SMAD3: variants seen among roughly 807,000 people sequenced by gnomAD.
SMAD3 encodes the protein SMAD family member 3.
SMAD3 carries 12 observed loss-of-function variants against 51.8 expected under a neutral mutation model. The ratio of observed to expected loss-of-function variants is 0.23; its 90% confidence interval spans 0.15 to 0.38. The LOEUF (loss-of-function observed/expected upper bound fraction) is 0.38. Ranked by LOEUF, SMAD3 falls within the 10% of genes least tolerant of loss-of-function variation. SMAD3 has a pLI of 1.00. For synonymous variants in SMAD3, 238 were observed against 227.7 expected (o/e 1.05, Z -0.41); for missense variants, 294 against 565.6 (o/e 0.52, Z 4.87).
rs572857029 is a variant in SMAD3, at chr15:67,168,547, C to G, written c.607+1694C>G. On this transcript the variant is annotated intron_variant, in intron 4 of 8. Transcript: ENST00000327367. ...CGCTCCCTCTTCCCTTTCTGCTGCT[C>G]TCCATATTTGCACAATGATTATTGT... 7.2e-5 allele frequency among the ~76,000 whole-genome samples: 11 copies of G among 152,362 alleles called. No individual in the cohort carries two copies. In the South Asian group the frequency reaches 2.3e-3, roughly 32 times the overall value.
intron 1 of SMAD3, among the ~76,000 whole-genome samples, chr15:67,120,034 C>T (rs1159418416): frequency 6.6e-6 from 1 of 152,184 alleles, no homozygotes; most frequent in East Asian, 1.9e-4. Context: ...TGAGCTCAAG[C>T]GATCTGCCCA....
chr15:67,116,986 A>C (rs996029503), intron 1 of SMAD3, among the ~76,000 whole-genome samples: 30 of 152,186 alleles, frequency 2.0e-4, no homozygotes, highest in African/African-American at 7.0e-4. Flanking sequence ...TACTTCCTCC[A>C]GGAAGCCATT....
intron 1 of SMAD3, among the ~76,000 whole-genome samples, chr15:67,124,144 C>T (rs113595099): frequency 1.2e-4 from 19 of 152,270 alleles, no homozygotes; most frequent in African/African-American, 3.4e-4. Flanking sequence ...CAGGCCACCA[C>T]GTCTGGCTAA....
intron 1 of SMAD3, among the ~76,000 whole-genome samples, chr15:67,092,029 G>A (rs1001044191): frequency 1.3e-5 from 2 of 152,186 alleles, no homozygotes; most frequent in African/African-American, 4.8e-5. Flanking sequence ...TAGAGCAGTT[G>A]CAGCTGCTTC....
At chr15:67,100,571 T>C (rs1026903993) in intron 1 of SMAD3, among the ~76,000 whole-genome samples, 2 of 152,152 alleles carry the variant, frequency 1.3e-5, no homozygotes, top group African/African-American at 4.8e-5. Context: ...ACAATATTAA[T>C]ATATTGTGAT....
In SMAD3 at chr15:67,112,407, C is replaced by T. The variant is rs959938930; in HGVS notation, c.206+46047C>T. Among the ~76,000 whole-genome samples, 9 of 118,464 alleles carry T rather than the reference C, an allele frequency of 7.6e-5. 1 individual carries two copies. The highest frequency in any genetic ancestry group is 1.9e-4 in the Admixed American group (2 of 10,588). 77.7% of individuals were successfully genotyped at this position (118,464 alleles called of 152,430 possible). On this transcript the variant is annotated intron_variant, in intron 1 of 8. Transcript: ENST00000327367. ...AACTCCTGACCTCAGGTGATCCACA[C>T]GCCTTGGCCTCCCAAAGTGCTGGGA...
At chr15:67,067,110 T>G (rs1959942504) in intron 1 of SMAD3, among the ~76,000 whole-genome samples, 1 of 137,878 alleles carries the variant, frequency 7.3e-6, no homozygotes, top group Non-Finnish European at 1.5e-5. Flanking sequence ...GTCCAAGAGA[T>G]TTTGAAACCG....
intron 1 of SMAD3, among the ~76,000 whole-genome samples, chr15:67,073,965 G>A (rs1306573913): frequency 1.3e-5 from 2 of 152,288 alleles, no homozygotes; most frequent in Non-Finnish European, 2.9e-5. Flanking sequence ...GAGCCACCGC[G>A]CCCGGCCACA....
At chr15:67,106,051 C>G (rs1036105528) in intron 1 of SMAD3, among the ~76,000 whole-genome samples, 4 of 152,144 alleles carry the variant, frequency 2.6e-5, no homozygotes, top group Non-Finnish European at 5.9e-5. Flanking sequence ...GTTCTGCCCC[C>G]AGAATATCTA....
chr15:67,190,866 T>C lies in SMAD3; in HGVS notation c.*330T>C. 2.3e-6 allele frequency: 1 copy of C among 425,680 alleles called. No homozygotes were observed. The highest frequency in any genetic ancestry group is 3.5e-5 in the Admixed American group (1 of 28,186). The allele number at this position is 425,680 out of a possible 1,614,324, so 26.4% of individuals were successfully genotyped here. A position where few individuals can be genotyped will look rare whatever the true frequency, so the allele number is the denominator to read the frequency against. Reference sequence around the variant, plus strand: ...AGACTCTTTTTTTGAGTGACAGCTTTCTGGGATGTCACAGTCCAACCAGAA... The same window carrying C: ...AGACTCTTTTTTTGAGTGACAGCTTCCTGGGATGTCACAGTCCAACCAGAA... On this transcript the variant is annotated 3_prime_UTR_variant, in exon 9 of 9. Coordinates refer to ENST00000327367, the MANE Select transcript of SMAD3 (RefSeq NM_005902.4).
At chr15:67,189,505 C>T (rs764892705) in intron 8 of SMAD3, among the ~76,000 whole-genome samples, 29 of 152,270 alleles carry the variant, frequency 1.9e-4, no homozygotes, top group South Asian at 1.4e-3. Context: ...TGTGGCCCAC[C>T]GCGTCACCGC....
intron 5 of SMAD3, among the ~76,000 whole-genome samples, chr15:67,179,895 G>A (rs892930437): frequency 1.3e-5 from 2 of 152,128 alleles, no homozygotes; most frequent in Non-Finnish European, 1.5e-5. Flanking sequence ...AGGGAGGAGA[G>A]ATGTCAGCCT....
chr15:67,104,634 C>T (rs759627837), intron 1 of SMAD3, among the ~76,000 whole-genome samples: 8 of 152,090 alleles, frequency 5.3e-5, no homozygotes, highest in South Asian at 2.1e-4. Context: ...TGGCCGAAGA[C>T]GGATAACTTT....
At chr15:67,076,475 A>G (rs1960172754) in intron 1 of SMAD3, among the ~76,000 whole-genome samples, 1 of 152,176 alleles carries the variant, frequency 6.6e-6, no homozygotes, top group Non-Finnish European at 1.5e-5. Context: ...GTTGGAATGC[A>G]CTTCCGGCTC....
intron 1 of SMAD3, among the ~76,000 whole-genome samples, chr15:67,093,088 C>A (rs1193551222): frequency 6.6e-6 from 1 of 152,152 alleles, no homozygotes. Flanking sequence ...GTAAATGGTG[C>A]TCATCTAACC....
Position 67,099,172 on chromosome 15 carries a change from G to A in SMAD3, c.206+32812G>A, listed in dbSNP as rs951802389. 23 of 627,318 alleles carry A rather than the reference G, an allele frequency of 3.7e-5. No homozygotes were observed. In the African/African-American group the frequency reaches 4.2e-4, roughly 11 times the overall value. 38.9% of individuals were successfully genotyped at this position (627,318 alleles called of 1,614,324 possible). A position where few individuals can be genotyped will look rare whatever the true frequency, so the allele number is the denominator to read the frequency against. On this transcript the variant is annotated intron_variant, in intron 1 of 8. Coordinates refer to ENST00000327367, the MANE Select transcript of SMAD3 (RefSeq NM_005902.4). ...CGCTCTTGTTCACAGTCACAGGGCT[G>A]GAAAGTGGGATAAGGACTAAGGACT...
intron 1 of SMAD3, among the ~76,000 whole-genome samples, chr15:67,127,864 T>C (rs1961429681): frequency 6.6e-6 from 1 of 152,160 alleles, no homozygotes; most frequent in Non-Finnish European, 1.5e-5. Context: ...AGGCTGAAAG[T>C]GGTAGGGAGA....
intron 1 of SMAD3, among the ~76,000 whole-genome samples, chr15:67,104,744 C>G (rs56286270): frequency 0.13 from 19,498 of 152,302 alleles, 1,293 homozygotes; most frequent in African/African-American, 0.16. Flanking sequence ...AAAGTACTTC[C>G]TCTGTGGGCT....
intron 6 of SMAD3, among the ~76,000 whole-genome samples, chr15:67,184,091 T>C (rs1392360826): frequency 6.6e-6 from 1 of 150,854 alleles, no homozygotes; most frequent in Non-Finnish European, 1.5e-5. Flanking sequence ...GTAGAGGTTA[T>C]CATCATTCCC....
Sources: gnomAD v4.1 joint callset for allele counts (sites outside exome capture counted in the v4.1 genomes callset) on GRCh38, gnomAD v4.1.1 for gene constraint, MANE v1.5 for transcripts, NCBI Gene and HGNC (gene_info 2026-07-23, HGNC 2026-07-21) for gene names.